The following HTR2C variants were observed in gnomAD, a reference collection of about 807,000 sequenced individuals.
HTR2C encodes the protein 5-hydroxytryptamine receptor 2C, also known as 5-hydroxytryptamine (serotonin) receptor 2C, G protein-coupled.
HTR2C carries 5 observed loss-of-function variants against 21.0 expected under a neutral mutation model. The ratio of observed to expected loss-of-function variants is 0.24; its 90% CI spans 0.12 to 0.50. The LOEUF (loss-of-function observed/expected upper bound fraction) is 0.50, where lower values mean the gene tolerates loss of function less well. Among genes scored for constraint, HTR2C ranks in the 20% least tolerant of loss-of-function variants. The probability of loss-of-function intolerance (pLI) is 0.98; values close to 1 mark genes in which losing one functional copy is unlikely to be tolerated. For missense variants in HTR2C, 271 were observed against 371.2 expected, an observed-to-expected ratio of 0.73 and a Z score of 2.22; for synonymous variants, 150 against 145.3, an observed-to-expected ratio of 1.03 and a Z score of -0.23.
intron 4 of HTR2C, among the ~76,000 whole-genome samples, chrX:114,833,130 A>G (rs1207137520): frequency 2.1e-5 from 2 of 95,069 alleles, no homozygotes; most frequent in African/African-American, 7.4e-5. Context: ...TTTTGCATCA[A>G]TGTTCATCAA....
intron 1 of HTR2C, among the ~76,000 whole-genome samples, chrX:114,589,104 C>T (rs1927525737): frequency 8.9e-6 from 1 of 112,120 alleles, no homozygotes; most frequent in Non-Finnish European, 1.9e-5. Flanking sequence ...TAGAAATTGG[C>T]TAATTTTTCT....
intron 1 of HTR2C, among the ~76,000 whole-genome samples, chrX:114,594,756 A>G (rs1198462286): frequency 9.5e-6 from 1 of 105,268 alleles, no homozygotes; most frequent in African/African-American, 3.3e-5. Flanking sequence ...TCATCCCAAT[A>G]TCTACTTTCC....
At chrX:114,693,462 T>C (rs1180965877) in intron 2 of HTR2C, among the ~76,000 whole-genome samples, 3 of 111,781 alleles carry the variant, frequency 2.7e-5, no homozygotes, top group Admixed American at 9.5e-5. Context: ...TAAAGAGTTA[T>C]GATAAATAAA....
intron 5 of HTR2C, among the ~76,000 whole-genome samples, chrX:114,878,908 G>A (rs1440208273): frequency 1.8e-5 from 2 of 110,395 alleles, no homozygotes; most frequent in Non-Finnish European, 3.8e-5. Flanking sequence ...CCCAGCATAT[G>A]TTCCAGTGTT....
rs373857700 is a variant in HTR2C, at chrX:114,822,536, G to T, written c.350-25467G>T. Among the ~76,000 whole-genome samples the T allele has an allele frequency of 4.5e-5, 5 of 112,180 alleles. No individual in the cohort carries two copies. The East Asian group carries it at 1.4e-3, about 32-fold the overall frequency. On this transcript the variant is annotated intron_variant, in intron 4 of 5. Coordinates refer to ENST00000276198, the MANE Select transcript of HTR2C (RefSeq NM_000868.4). The stretch of plus-strand genomic sequence containing the variant: ...AAGAAATAGAGAATCATTTAATAAA[G>T]TTGTCTTCCATTCAACTCTGAAGAA...
chrX:114,587,185 C>A (rs1469767012), intron 1 of HTR2C, among the ~76,000 whole-genome samples: 1 of 111,687 alleles, frequency 9.0e-6, no homozygotes, highest in African/African-American at 3.3e-5. Flanking sequence ...CTCAGCTATT[C>A]TTATTAAATT....
intron 2 of HTR2C, among the ~76,000 whole-genome samples, chrX:114,707,734 T>C (rs1932814891): frequency 9.0e-6 from 1 of 111,223 alleles, no homozygotes; most frequent in African/African-American, 3.3e-5. Flanking sequence ...GTGACTTTTT[T>C]CTTTCCCTGT....
chrX:114,731,283 T>C lies in HTR2C; in HGVS notation c.36-11T>C. The C allele has an allele frequency of 8.7e-7, 1 of 1,145,464 alleles. No homozygotes were observed. 94.4% of individuals were successfully genotyped at this position (1,145,464 alleles called of 1,213,427 possible). A position where few individuals can be genotyped will look rare whatever the true frequency, so the allele number is the denominator to read the frequency against. ...ATGTACCTGATTGTTTTTTTTTTTC[T>C]TAATTTTCAGTGTGCACCTAATTGG... is the stretch of plus-strand genomic sequence containing the variant. On this transcript the variant is annotated splice_polypyrimidine_tract_variant and intron_variant, in intron 3 of 5. Transcript: ENST00000276198.
intron 2 of HTR2C, among the ~76,000 whole-genome samples, chrX:114,653,704 C>T (rs1556408891): frequency 9.1e-6 from 1 of 110,496 alleles, no homozygotes; most frequent in Non-Finnish European, 1.9e-5. Flanking sequence ...ATTATGCAGG[C>T]TTTGTTCACC....
chrX:114,800,414 C>T (rs2070334142), intron 4 of HTR2C, among the ~76,000 whole-genome samples: 1 of 110,817 alleles, frequency 9.0e-6, no homozygotes, highest in Non-Finnish European at 1.9e-5. Context: ...TTACCCACAT[C>T]CATCTTTTAT....
At chrX:114,611,761 G>C (rs1928744380) in intron 1 of HTR2C, among the ~76,000 whole-genome samples, 1 of 111,563 alleles carries the variant, frequency 9.0e-6, no homozygotes. Flanking sequence ...GCAGTGGCGC[G>C]ATCTCGGCTC....
intron 4 of HTR2C, among the ~76,000 whole-genome samples, chrX:114,755,965 G>A (rs1470907428): frequency 1.8e-5 from 2 of 110,341 alleles, no homozygotes; most frequent in African/African-American, 3.3e-5. Context: ...AAAAAAAATA[G>A]CTGAATGTGG....
In HTR2C at chrX:114,755,208, C is replaced by G. The variant is rs782005548; in HGVS notation, c.349+23601C>G. Among the ~76,000 whole-genome samples the G allele has an allele frequency of 4.6e-4, 49 of 106,407 alleles. No homozygotes were observed. In the South Asian group the frequency reaches 8.7e-3, roughly 19 times the overall value. The allele number at this position is 106,407 out of a possible 115,157, so 92.4% of individuals were successfully genotyped here. A position where few individuals can be genotyped will look rare whatever the true frequency, so the allele number is the denominator to read the frequency against. On this transcript the variant is annotated intron_variant, in intron 4 of 5. Coordinates refer to ENST00000276198, the MANE Select transcript of HTR2C (RefSeq NM_000868.4). ...TGAGCTGAGATCGCACCATTGCACT[C>G]CAGCCTGGGGGACAAGAGCGAGACT... is the stretch of plus-strand genomic sequence containing the variant.
At chrX:114,761,888 T>TATACATATATGTGTATATATAC (rs2069872948) in intron 4 of HTR2C, among the ~76,000 whole-genome samples, 2 of 12,283 alleles carry the variant, frequency 1.6e-4, no homozygotes, top group Non-Finnish European at 6.1e-4. Flanking sequence ...TATATATATA[T>TATACATATATGTGTATATATAC]GTGTATATAT....
intron 2 of HTR2C, chrX:114,717,573 T>G (rs1005950004): frequency 9.0e-6 from 1 of 111,462 alleles, no homozygotes; most frequent in Non-Finnish European, 1.9e-5. Flanking sequence ...TCATCAATAT[T>G]ATCTTCAACC....
intron 5 of HTR2C, among the ~76,000 whole-genome samples, chrX:114,860,910 C>G (rs782687847): frequency 1.8e-5 from 2 of 110,811 alleles, no homozygotes; most frequent in Non-Finnish European, 3.8e-5. Flanking sequence ...AAATGCAATA[C>G]GTATACTTTA....
chrX:114,837,324 A>C (rs1195365666), intron 4 of HTR2C, among the ~76,000 whole-genome samples: 2 of 112,077 alleles, frequency 1.8e-5, no homozygotes, highest in African/African-American at 6.5e-5. Flanking sequence ...ACATTGTGCC[A>C]TCCAAAGAAT....
intron 2 of HTR2C, among the ~76,000 whole-genome samples, chrX:114,627,238 TG>T (rs781928508): frequency 1.7e-3 from 190 of 111,421 alleles, no homozygotes; most frequent in African/African-American, 5.9e-3. Flanking sequence ...AACCATAGAC[TG>T]ATAGAAGAGT....
intron 5 of HTR2C, among the ~76,000 whole-genome samples, chrX:114,877,597 A>G (rs1556478627): frequency 9.1e-6 from 1 of 110,203 alleles, no homozygotes; most frequent in Admixed American, 9.7e-5. Context: ...TCCTATTAGA[A>G]CTACTATTGC....
Sources: allele counts gnomAD v4.1 joint callset (sites outside exome capture counted in the v4.1 genomes callset), GRCh38; gene constraint gnomAD v4.1.1; transcripts MANE v1.5; gene names NCBI Gene and HGNC (gene_info 2026-07-23, HGNC 2026-07-21).